Variants in CACNG3 observed in about 807,000 individuals in gnomAD.
CACNG3 encodes the protein calcium voltage-gated channel auxiliary subunit gamma 3.
A neutral mutation model predicts 28.5 loss-of-function variants in CACNG3; 3 were observed. The ratio of observed to expected loss-of-function variants is 0.11; its 90% confidence interval spans 0.05 to 0.27. CACNG3 has a LOEUF of 0.27. CACNG3 is among the 10% of genes least tolerant of loss of function. The probability of loss-of-function intolerance (pLI) is 1.00; values close to 1 mark genes in which losing one functional copy is unlikely to be tolerated. For synonymous variants in CACNG3, 174 were observed against 162.2 expected, an observed-to-expected ratio of 1.07 and a Z score of -0.55; for missense variants, 236 against 414.4, an observed-to-expected ratio of 0.57 and a Z score of 3.74.
chr16:24,287,135 C>G (rs561205128), intron 1 of CACNG3, among the ~76,000 whole-genome samples: 53 of 152,202 alleles, frequency 3.5e-4, no homozygotes, highest in Non-Finnish European at 6.9e-4. Context: ...TTTCTCAAAA[C>G]AAACTGAAGC....
At chr16:24,360,556 G>C (rs1278397639) in intron 3 of CACNG3, among the ~76,000 whole-genome samples, 2 of 152,148 alleles carry the variant, frequency 1.3e-5, no homozygotes, top group African/African-American at 2.4e-5. Context: ...TCTTCCCCAT[G>C]GGTTTATTTA....
chr16:24,296,851 G>A (rs1899037762), intron 1 of CACNG3, among the ~76,000 whole-genome samples: 1 of 152,112 alleles, frequency 6.6e-6, no homozygotes, highest in South Asian at 2.1e-4. Flanking sequence ...AGTTATTTTG[G>A]GTGTGCAAAT....
At chr16:24,310,290 A>G (rs979105686) in intron 1 of CACNG3, among the ~76,000 whole-genome samples, 24 of 152,212 alleles carry the variant, frequency 1.6e-4, no homozygotes, top group African/African-American at 4.8e-4. Context: ...TAAGCTGGGC[A>G]CAGTGGCTCA....
At chr16:24,329,696 A>T (rs1042082610) in intron 1 of CACNG3, among the ~76,000 whole-genome samples, 1 of 152,316 alleles carries the variant, frequency 6.6e-6, no homozygotes. Flanking sequence ...TCTACACATT[A>T]TATTGTCATT....
intron 1 of CACNG3, among the ~76,000 whole-genome samples, chr16:24,324,452 C>A (rs545775918): frequency 6.6e-6 from 1 of 152,118 alleles, no homozygotes; most frequent in Non-Finnish European, 1.5e-5. Context: ...CTGTTTCCCC[C>A]ACTCCCCAGA....
chr16:24,346,504 A>G (rs939542719), intron 1 of CACNG3, among the ~76,000 whole-genome samples: 21 of 152,174 alleles, frequency 1.4e-4, no homozygotes, highest in African/African-American at 4.8e-4. Context: ...CTTGAGCCCA[A>G]GAGTTCAAGA....
rs1224456416 is a variant in CACNG3, at chr16:24,361,673, G to T, written c.758G>T (p.Gly253Val). 1.2e-6 allele frequency: 2 copies of T among 1,613,012 alleles called. No individual in the cohort carries two copies. The highest frequency in any genetic ancestry group is 1.7e-6 in the Non-Finnish European group (2 of 1,179,838). Residue 253 changes from glycine to valine, a missense_variant, in exon 4 of 4, where the codon GGC becomes GTC. This residue lies in a region of CACNG3 where 116 missense variants were observed against 151.0 expected (regional missense o/e 0.77). Coordinates refer to ENST00000005284, the MANE Select transcript of CACNG3 (RefSeq NM_006539.4). The surrounding 1 kb of genome is among the most constrained non-coding windows in gnomAD (Gnocchi z 6.8). ...CGAGACCTGTCCCCCATCAGCAAAG[G>T]CTTCCACACCATCCCTTCCACTGAC... ...RSRDLSPISK[G>V]FHTIPSTDIS... is the part of the protein sequence containing the mutation.
intron 1 of CACNG3, among the ~76,000 whole-genome samples, chr16:24,303,726 T>C (rs1899146329): frequency 6.6e-6 from 1 of 152,166 alleles, no homozygotes; most frequent in African/African-American, 2.4e-5. Context: ...AAGACCAGCC[T>C]GGGCAATGTG....
chr16:24,277,954 A>T (rs192292455), intron 1 of CACNG3, among the ~76,000 whole-genome samples: 1 of 152,252 alleles, frequency 6.6e-6, no homozygotes, highest in Non-Finnish European at 1.5e-5. Context: ...GGCTCAAGTG[A>T]TCCTTCTGCC....
intron 1 of CACNG3, among the ~76,000 whole-genome samples, chr16:24,341,786 A>G (rs1308010417): frequency 6.6e-6 from 1 of 152,188 alleles, no homozygotes; most frequent in African/African-American, 2.4e-5. Context: ...AGGGCCAGGC[A>G]AGAATATAGA....
intron 1 of CACNG3, among the ~76,000 whole-genome samples, chr16:24,335,766 C>A (rs1266731577): frequency 1.3e-5 from 2 of 152,060 alleles, no homozygotes; most frequent in Non-Finnish European, 2.9e-5. Flanking sequence ...AACATGGATA[C>A]TATGATGATT....
Position 24,346,989 on chromosome 16 carries a change from C to T in CACNG3, c.295+172C>T, listed in dbSNP as rs548079872. Among the ~76,000 whole-genome samples, 12 of 152,132 alleles carry T rather than the reference C, an allele frequency of 7.9e-5. No homozygotes were observed. The South Asian group carries it at 1.5e-3, about 18-fold the overall frequency. ...ACTCAAGTGGTTCTGAGAGCTAAGC[C>T]TCTTTAGTTTCAATGAATTAGAAAC... On this transcript the variant is annotated intron_variant, in intron 2 of 3. Coordinates refer to ENST00000005284, the MANE Select transcript of CACNG3 (RefSeq NM_006539.4).
At chr16:24,265,361 A>AAGAG (rs1191849853) in intron 1 of CACNG3, among the ~76,000 whole-genome samples, 1 of 150,576 alleles carries the variant, frequency 6.6e-6, no homozygotes, top group Admixed American at 6.6e-5. Flanking sequence ...GAAAGAAAGA[A>AAGAG]AGAAAGAAAA....
At chr16:24,300,890 A>C (rs1899100215) in intron 1 of CACNG3, among the ~76,000 whole-genome samples, 1 of 152,002 alleles carries the variant, frequency 6.6e-6, no homozygotes. Context: ...CTCTATGAAA[A>C]ATACAAAAAT....
intron 2 of CACNG3, among the ~76,000 whole-genome samples, chr16:24,351,464 C>T (rs888881996): frequency 2.0e-5 from 3 of 151,488 alleles, no homozygotes; most frequent in East Asian, 2.0e-4. Flanking sequence ...CCCAGCTACT[C>T]GGGAAGCTGA....
chr16:24,325,403 C>T (rs1596643588), intron 1 of CACNG3, among the ~76,000 whole-genome samples: 1 of 152,304 alleles, frequency 6.6e-6, no homozygotes, highest in East Asian at 1.9e-4. Flanking sequence ...CACCACCAAC[C>T]TTTAGCCCAC....
At chr16:24,356,179 T>A (rs1240007113) in intron 3 of CACNG3, among the ~76,000 whole-genome samples, 1 of 151,782 alleles carries the variant, frequency 6.6e-6, no homozygotes, top group Non-Finnish European at 1.5e-5. Flanking sequence ...AAGAACAGGG[T>A]AGGGATGGGG....
chr16:24,353,919 G>A (rs2141383361), intron 2 of CACNG3, among the ~76,000 whole-genome samples: 1 of 152,234 alleles, frequency 6.6e-6, no homozygotes, highest in East Asian at 1.9e-4. Context: ...TAGGCCGGGT[G>A]CAGTGGCTCA....
intron 1 of CACNG3, among the ~76,000 whole-genome samples, chr16:24,325,165 G>A (rs1899524345): frequency 6.6e-6 from 1 of 152,186 alleles, no homozygotes; most frequent in Non-Finnish European, 1.5e-5. Context: ...TCTACTGGGG[G>A]AAGAGGGCAG....
Sources: gnomAD v4.1 joint callset for allele counts (sites outside exome capture counted in the v4.1 genomes callset) on GRCh38, gnomAD v4.1.1 for gene constraint, gnomAD v4.1.1 regional missense constraint, Gnocchi (gnomAD v3.1) non-coding constraint, MANE v1.5 for transcripts, NCBI Gene and HGNC (gene_info 2026-07-23, HGNC 2026-07-21) for gene names.